CAP2: variants seen among roughly 807,000 people sequenced by gnomAD.
The protein encoded by CAP2 is cyclase associated actin cytoskeleton regulatory protein 2.
A neutral mutation model predicts 57.7 loss-of-function variants in CAP2; 24 were observed. The ratio of observed to expected loss-of-function variants is 0.42; its 90% CI spans 0.30 to 0.58. The LOEUF is 0.58. Among genes scored for constraint, CAP2 ranks in the 20% least tolerant of loss-of-function variants. The probability of loss-of-function intolerance (pLI) is 0.22; values close to 1 mark genes in which losing one functional copy is unlikely to be tolerated. For synonymous variants in CAP2, 194 were observed against 207.2 expected (o/e 0.94, Z 0.55); for missense variants, 501 against 590.3 (o/e 0.85, Z 1.57).
chr6:17,452,472 A>T (rs565730400), intron 3 of CAP2, among the ~76,000 whole-genome samples: 5 of 152,308 alleles, frequency 3.3e-5, no homozygotes, highest in South Asian at 2.1e-4. Context: ...GAAAAAGGCC[A>T]TGGGAACCCA....
In CAP2 at chr6:17,513,910, T is replaced by C. The variant is rs1194056739; in HGVS notation, c.592T>C (p.Tyr198His). Residue 198 changes from tyrosine to histidine, a missense_variant, in exon 7 of 13, where the codon TAC (tyrosine) becomes CAC (histidine). Tyr to His is a moderately conservative substitution (Grantham distance 83). Coordinates refer to ENST00000229922, the MANE Select transcript of CAP2 (RefSeq NM_006366.3). The surrounding 1 kb of genome is among the most constrained non-coding windows in gnomAD (Gnocchi z 4.3). Reference sequence around the variant, plus strand: ...GAACATTTGGAGTGAACTTCAAGCATACATCAAGGAACACCACACCACGGG... The same window carrying C: ...GAACATTTGGAGTGAACTTCAAGCACACATCAAGGAACACCACACCACGGG... ...YLNIWSELQAYIKEHHTTGLT... is the reference protein window; with the variant it reads ...YLNIWSELQAHIKEHHTTGLT... The C allele has an allele frequency of 6.2e-7, 1 of 1,613,696 alleles. No homozygotes were observed. The highest frequency in any genetic ancestry group is 8.5e-7 in the Non-Finnish European group (1 of 1,179,746).
intron 12 of CAP2, among the ~76,000 whole-genome samples, chr6:17,553,944 T>A (rs1225033251): frequency 1.3e-5 from 2 of 152,156 alleles, no homozygotes; most frequent in Admixed American, 1.3e-4. Context: ...ACACCAAGCC[T>A]CATCTACCCA....
rs1243732902 is a variant in CAP2 at position 17,510,143 on chromosome 6, T to C, written c.530+2417T>C. 2.0e-5 allele frequency among the ~76,000 whole-genome samples: 3 copies of C among 152,118 alleles called. No individual in the cohort carries two copies. In the East Asian group the frequency reaches 5.8e-4, roughly 29 times the overall value. On this transcript the variant is annotated intron_variant, in intron 6 of 12. Transcript: ENST00000229922. The stretch of plus-strand genomic sequence containing the variant: ...TTTTTTAAGTTTTTAGTTTAAGTTT[T>C]TAGTAATGATTCCCTTTTGGGGAGT...
chr6:17,445,160 G>A (rs1760222577), intron 3 of CAP2, among the ~76,000 whole-genome samples: 1 of 152,184 alleles, frequency 6.6e-6, no homozygotes, highest in Non-Finnish European at 1.5e-5. Flanking sequence ...AGGCTGGAGT[G>A]CAGTGGCACA....
intron 4 of CAP2, among the ~76,000 whole-genome samples, chr6:17,505,304 G>A (rs1213583644): frequency 1.3e-5 from 2 of 152,178 alleles, no homozygotes; most frequent in Non-Finnish European, 2.9e-5. Flanking sequence ...GGTTTAGAAG[G>A]AGAGGTAAAG....
intron 3 of CAP2, among the ~76,000 whole-genome samples, chr6:17,432,148 T>C (rs755136213): frequency 2.6e-5 from 4 of 152,196 alleles, no homozygotes; most frequent in Non-Finnish European, 4.4e-5. Context: ...AATAGCCTTA[T>C]CTCTGGAATA....
At chr6:17,498,564 T>G (rs1761723943) in intron 4 of CAP2, among the ~76,000 whole-genome samples, 1 of 152,118 alleles carries the variant, frequency 6.6e-6, no homozygotes, top group South Asian at 2.1e-4. Context: ...TGTCCCAGGC[T>G]CCAGATCTCT....
chr6:17,433,226 G>A (rs902376587), intron 3 of CAP2, among the ~76,000 whole-genome samples: 3 of 152,146 alleles, frequency 2.0e-5, no homozygotes, highest in Admixed American at 6.5e-5. Context: ...ACCATGAGAA[G>A]CAAACAGAAG....
intron 11 of CAP2, among the ~76,000 whole-genome samples, 199 bp downstream of exon 11, chr6:17,543,342 T>C (rs1273678638): frequency 6.6e-6 from 1 of 151,992 alleles, no homozygotes; most frequent in Non-Finnish European, 1.5e-5. Flanking sequence ...TTGCAGCCAG[T>C]CGCGGTGGCT....
At chr6:17,545,618 T>A (rs1401568634) in intron 11 of CAP2, among the ~76,000 whole-genome samples, 2 of 152,204 alleles carry the variant, frequency 1.3e-5, no homozygotes, top group Non-Finnish European at 2.9e-5. Context: ...TACATATGTA[T>A]ACATGTGCCA....
rs117309801 is a variant in CAP2, at chr6:17,456,186, G to A, written c.223-6810G>A. On this transcript the variant is annotated intron_variant, in intron 3 of 12. Coordinates refer to ENST00000229922, the MANE Select transcript of CAP2 (RefSeq NM_006366.3). ...CCAAATCTACCGAATCAGAAACTCC[G>A]GAGATGCGACTCAACAATCAGTTTT... Among the ~76,000 whole-genome samples the A allele has an allele frequency of 2.6e-4, 40 of 152,282 alleles. No homozygotes were observed. The East Asian group carries it at 6.2e-3, about 24-fold the overall frequency.
intron 4 of CAP2, among the ~76,000 whole-genome samples, chr6:17,480,088 G>C (rs913798922): frequency 6.6e-6 from 1 of 151,934 alleles, no homozygotes; most frequent in Non-Finnish European, 1.5e-5. Flanking sequence ...TCTTATCATC[G>C]TAACTGTTGC....
intron 7 of CAP2, among the ~76,000 whole-genome samples, chr6:17,517,672 A>G (rs9396779): frequency 0.66 from 100,412 of 152,034 alleles, 33,370 homozygotes; most frequent in East Asian, 0.73. Context: ...AGGCTGAGGC[A>G]GGTGGATCAC....
Position 17,401,509 on chromosome 6 carries a change from T to C in CAP2, c.-2+7763T>C, listed in dbSNP as rs1004580822. On this transcript the variant is annotated intron_variant, in intron 1 of 12. Coordinates refer to ENST00000229922, the MANE Select transcript of CAP2 (RefSeq NM_006366.3). The stretch of plus-strand genomic sequence containing the variant: ...TGTGATCTTTCCATCGAATGTATAC[T>C]GTCCTGGTATTGCTACTCACCCCTC... Among the ~76,000 whole-genome samples the C allele has an allele frequency of 2.6e-5, 4 of 152,218 alleles. No homozygotes were observed. In the East Asian group the frequency reaches 7.7e-4, roughly 29 times the overall value.
intron 1 of CAP2, among the ~76,000 whole-genome samples, chr6:17,412,299 C>A (rs2113519526): frequency 6.6e-6 from 1 of 152,314 alleles, no homozygotes; most frequent in South Asian, 2.1e-4. Flanking sequence ...GTGTCTCATC[C>A]ACCTGTGTAG....
chr6:17,466,451 T>G (rs980583313), intron 4 of CAP2, among the ~76,000 whole-genome samples: 1 of 152,234 alleles, frequency 6.6e-6, no homozygotes, highest in Non-Finnish European at 1.5e-5. Flanking sequence ...GACCACACTT[T>G]GGATCCTGTG....
chr6:17,523,023 C>T (rs191788059), intron 7 of CAP2, among the ~76,000 whole-genome samples: 2 of 152,244 alleles, frequency 1.3e-5, no homozygotes, highest in Admixed American at 6.5e-5. Flanking sequence ...TGTGAGCCAC[C>T]GTACCCAGCC....
intron 3 of CAP2, among the ~76,000 whole-genome samples, chr6:17,450,607 C>T (rs1006898953): frequency 6.6e-6 from 1 of 152,128 alleles, no homozygotes; most frequent in African/African-American, 2.4e-5. Context: ...GGCAACAGTC[C>T]TATTAATGAA....
At chr6:17,544,442 CTG>C (rs949444052) in intron 11 of CAP2, among the ~76,000 whole-genome samples, 21 of 152,036 alleles carry the variant, frequency 1.4e-4, no homozygotes, top group Admixed American at 1.0e-3. Flanking sequence ...AGAAGAAAAT[CTG>C]TGAATTAAAA....
Sources: allele counts gnomAD v4.1 joint callset (sites outside exome capture counted in the v4.1 genomes callset), GRCh38; gene constraint gnomAD v4.1.1; non-coding constraint Gnocchi (gnomAD v3.1); transcripts MANE v1.5; gene names NCBI Gene and HGNC (gene_info 2026-07-23, HGNC 2026-07-21).